The following MACROD2 variants were observed in gnomAD, a reference collection of about 807,000 sequenced individuals.
MACROD2 encodes the protein mono-ADP ribosylhydrolase 2.
In MACROD2, 36 loss-of-function variants were observed where a neutral mutation model predicts 70.4. The observed-to-expected ratio is 0.51, with a 90% confidence interval of 0.39 to 0.68. The LOEUF (loss-of-function observed/expected upper bound fraction) is 0.68. Among genes scored for constraint, MACROD2 ranks in the 30% least tolerant of loss-of-function variants. The pLI is 0.00. For missense variants in MACROD2, 496 were observed against 538.4 expected, an observed-to-expected ratio of 0.92 and a Z score of 0.78; for synonymous variants, 172 against 178.8, an observed-to-expected ratio of 0.96 and a Z score of 0.30.
intron 5 of MACROD2, among the ~76,000 whole-genome samples, chr20:15,033,664 A>G (rs1267928140): frequency 6.6e-6 from 1 of 152,208 alleles, no homozygotes; most frequent in Non-Finnish European, 1.5e-5. Context: ...CATCCACTAT[A>G]ACTCTCTAAC....
intron 3 of MACROD2, among the ~76,000 whole-genome samples, chr20:14,319,404 C>G (rs2082639592): frequency 6.6e-6 from 1 of 152,180 alleles, no homozygotes; most frequent in African/African-American, 2.4e-5. Context: ...ATTCCTCTCA[C>G]TATACTCCCA....
chr20:15,022,186 CTAT>C (rs1225350418), intron 5 of MACROD2, among the ~76,000 whole-genome samples: 2 of 152,040 alleles, frequency 1.3e-5, no homozygotes, highest in Admixed American at 1.3e-4. Flanking sequence ...AATTATGAAG[CTAT>C]TATTATTTGT....
At chr20:14,197,766 C>CA (rs113046439) in intron 3 of MACROD2, among the ~76,000 whole-genome samples, 1,448 of 141,018 alleles carry the variant, frequency 0.01, 32 homozygotes, top group Admixed American at 0.061. Flanking sequence ...GACTCCATCT[C>CA]AAAAAAAAAA....
chr20:14,560,618 G>C (rs1979370867), intron 4 of MACROD2, among the ~76,000 whole-genome samples: 1 of 151,764 alleles, frequency 6.6e-6, no homozygotes, highest in African/African-American at 2.4e-5. Flanking sequence ...ATATCACAAA[G>C]AAAACTTTTC....
In MACROD2 at chr20:15,994,891, A is replaced by C. The variant is rs114670693; in HGVS notation, c.1153+7733A>C. On this transcript the variant is annotated intron_variant, in intron 15 of 17. Coordinates refer to ENST00000684519, the MANE Select transcript of MACROD2 (RefSeq NM_001351661.2). ...TGATAAATTGTATCATCGTGTCCTG[A>C]CCAACAAAAATTTTGTAACAATTCA... Among the ~76,000 whole-genome samples, 965 of 152,264 alleles carry C rather than the reference A, an allele frequency of 6.3e-3. 9 individuals are homozygous for C. The highest frequency in any genetic ancestry group is 0.022 in the African/African-American group (926 of 41,556).
intron 8 of MACROD2, among the ~76,000 whole-genome samples, chr20:15,808,491 TTAAG>T (rs2063789428): frequency 6.6e-6 from 1 of 152,168 alleles, no homozygotes; most frequent in Non-Finnish European, 1.5e-5. Flanking sequence ...CACAAAATGA[TTAAG>T]AAGGTATTTA....
chr20:15,647,722 A>ATT lies in MACROD2; in HGVS notation c.645+147889_645+147890dup, dbSNP rs34556344. Reference sequence around the variant, plus strand: ...GTAAGTAATGGAGAGACAATAGATGATTTTTTTTTTTTTTTGAGATGGAGT... The same window carrying ATT: ...GTAAGTAATGGAGAGACAATAGATGATTTTTTTTTTTTTTTTTGAGATGGAGT... On this transcript the variant is annotated intron_variant, in intron 8 of 17. Transcript: ENST00000684519. Among the ~76,000 whole-genome samples the ATT allele has an allele frequency of 9.4e-3, 1,336 of 142,454 alleles. 34 individuals carry two copies. The highest frequency in any genetic ancestry group is 0.021 in the African/African-American group (796 of 38,654). 93.5% of individuals were successfully genotyped at this position (142,454 alleles called of 152,430 possible). A position where few individuals can be genotyped will look rare whatever the true frequency, so the allele number is the denominator to read the frequency against.
chr20:15,904,154 C>T (rs1326300332), intron 10 of MACROD2, among the ~76,000 whole-genome samples: 1 of 152,160 alleles, frequency 6.6e-6, no homozygotes, highest in Non-Finnish European at 1.5e-5. Context: ...CACCCCGAGG[C>T]CAAAGTTCCT....
intron 5 of MACROD2, among the ~76,000 whole-genome samples, chr20:14,710,983 T>G (rs2071331847): frequency 6.6e-6 from 1 of 152,202 alleles, no homozygotes; most frequent in Non-Finnish European, 1.5e-5. Context: ...GATTCCATAT[T>G]GGCATCTCCG....
intron 6 of MACROD2, among the ~76,000 whole-genome samples, chr20:15,299,610 G>T (rs1369347374): frequency 2.0e-5 from 3 of 152,188 alleles, no homozygotes; most frequent in Non-Finnish European, 4.4e-5. Context: ...TCTGGACAAA[G>T]ATTTATGCTT....
intron 3 of MACROD2, among the ~76,000 whole-genome samples, chr20:14,382,140 C>T (rs1331208547): frequency 4.0e-5 from 6 of 148,568 alleles, no homozygotes; most frequent in Non-Finnish European, 5.9e-5. Context: ...GGGCTCACTG[C>T]AAACTCCGCC....
chr20:15,084,938 C>A (rs2075735547), intron 5 of MACROD2, among the ~76,000 whole-genome samples: 1 of 152,104 alleles, frequency 6.6e-6, no homozygotes, highest in Non-Finnish European at 1.5e-5. Context: ...TATGGAAACT[C>A]AGGGGACCTA....
At chr20:15,124,811 T>C (rs1275799756) in intron 5 of MACROD2, among the ~76,000 whole-genome samples, 2 of 152,102 alleles carry the variant, frequency 1.3e-5, no homozygotes, top group African/African-American at 2.4e-5. Flanking sequence ...AAAAGCTAGG[T>C]TCCTTCTAGG....
intron 13 of MACROD2, among the ~76,000 whole-genome samples, chr20:15,979,499 C>T (rs6043648): frequency 3.3e-5 from 5 of 151,742 alleles, no homozygotes; most frequent in African/African-American, 4.8e-5. Flanking sequence ...TCTTTTAGGA[C>T]GAAGTAGAGA....
At chr20:14,611,412 G>A (rs1365950766) in intron 4 of MACROD2, among the ~76,000 whole-genome samples, 2 of 150,184 alleles carry the variant, frequency 1.3e-5, no homozygotes, top group East Asian at 3.9e-4. Context: ...TTCTGTTTGG[G>A]GTCTTCCTCA....
chr20:15,576,107 T>A lies in MACROD2; in HGVS notation c.645+76260T>A, dbSNP rs368078061. On this transcript the variant is annotated intron_variant, in intron 8 of 17. Coordinates refer to ENST00000684519, the MANE Select transcript of MACROD2 (RefSeq NM_001351661.2). ...TAAACCTTTCAATTGTTTCCTATTT[T>A]TTTTAATTTGTATGCACTAAAATTC... Among the ~76,000 whole-genome samples, 53 of 152,302 alleles carry A rather than the reference T, an allele frequency of 3.5e-4. No individual in the cohort carries two copies. The South Asian group carries it at 8.3e-3, about 24-fold the overall frequency.
chr20:15,242,694 C>A (rs943681700), intron 6 of MACROD2, among the ~76,000 whole-genome samples: 1 of 152,080 alleles, frequency 6.6e-6, no homozygotes, highest in African/African-American at 2.4e-5. Flanking sequence ...GACCAAGAAA[C>A]AGGATCTAGT....
intron 5 of MACROD2, among the ~76,000 whole-genome samples, chr20:15,027,016 T>C (rs779907440): frequency 4.6e-5 from 7 of 152,174 alleles, no homozygotes; most frequent in Non-Finnish European, 8.8e-5. Flanking sequence ...AAAGCTCAAA[T>C]ACCAGACTGT....
At chr20:15,152,924 G>A (rs1162562457) in intron 5 of MACROD2, among the ~76,000 whole-genome samples, 4 of 152,120 alleles carry the variant, frequency 2.6e-5, no homozygotes, top group African/African-American at 9.7e-5. Flanking sequence ...AGATTGAAGT[G>A]TGGTGCCAAG....
Sources: allele counts gnomAD v4.1 joint callset (sites outside exome capture counted in the v4.1 genomes callset), GRCh38; gene constraint gnomAD v4.1.1; transcripts MANE v1.5; gene names NCBI Gene and HGNC (gene_info 2026-07-23, HGNC 2026-07-21).